BMAL2: variants seen among roughly 807,000 people sequenced by gnomAD.
BMAL2 encodes basic helix-loop-helix ARNT-like protein 2.
the BMAL2 span, among the ~76,000 whole-genome samples, chr12:27,354,802 C>T: frequency 1.3e-5 from 2 of 152,174 alleles, no homozygotes; most frequent in South Asian, 4.1e-4. Context: ...GGATATTCAA[C>T]CTGTACCAGT....
chr12:27,418,363 G>C, the BMAL2 span, among the ~76,000 whole-genome samples: 1 of 152,152 alleles, frequency 6.6e-6, no homozygotes, highest in African/African-American at 2.4e-5. Flanking sequence ...CACTTTGGGA[G>C]GCCAAGGCAG....
At chr12:27,391,233 G>A in the BMAL2 span, among the ~76,000 whole-genome samples, 8 of 152,084 alleles carry the variant, frequency 5.3e-5, no homozygotes, top group Middle Eastern at 6.8e-3. Context: ...TGTTGTTCCC[G>A]TGTTTATGTC....
chr12:27,348,898 T>C, the BMAL2 span, among the ~76,000 whole-genome samples: 6 of 152,088 alleles, frequency 3.9e-5, no homozygotes, highest in African/African-American at 1.4e-4. Context: ...ATGAGCTCAA[T>C]GATGGCATCC....
At chr12:27,350,076 G>T in the BMAL2 span, among the ~76,000 whole-genome samples, 2 of 152,164 alleles carry the variant, frequency 1.3e-5, no homozygotes, top group Non-Finnish European at 2.9e-5. Context: ...TCAGAAATTG[G>T]TATAGGTTGT....
At chr12:27,373,423 C>T in the BMAL2 span, among the ~76,000 whole-genome samples, 1 of 152,262 alleles carries the variant, frequency 6.6e-6, no homozygotes, top group South Asian at 2.1e-4. Context: ...GGATTTGGAG[C>T]TCAGGGTAGA....
chr12:27,393,294 A>G, the BMAL2 span, among the ~76,000 whole-genome samples: 1 of 152,172 alleles, frequency 6.6e-6, no homozygotes, highest in Non-Finnish European at 1.5e-5. Flanking sequence ...GAATAAATAC[A>G]TTTTAAATTA....
At chr12:27,413,515 A>G in the BMAL2 span, among the ~76,000 whole-genome samples, 1 of 152,208 alleles carries the variant, frequency 6.6e-6, no homozygotes, top group African/African-American at 2.4e-5. Flanking sequence ...TTTTTCCAAG[A>G]AAAAGAAAAA....
the BMAL2 span, among the ~76,000 whole-genome samples, chr12:27,381,341 G>A: frequency 5.2e-3 from 791 of 152,264 alleles, 3 homozygotes; most frequent in Middle Eastern, 0.017. Flanking sequence ...AATTTATAAT[G>A]AAAAGAAGTT....
At chr12:27,336,376 C>G in the BMAL2 span, among the ~76,000 whole-genome samples, 2 of 152,188 alleles carry the variant, frequency 1.3e-5, no homozygotes, top group Non-Finnish European at 2.9e-5. Context: ...GTGCCTCACC[C>G]CTTCCCAGTG....
chr12:27,369,284 T>C, the BMAL2 span, among the ~76,000 whole-genome samples: 1 of 144,320 alleles, frequency 6.9e-6, no homozygotes, highest in African/African-American at 2.6e-5. Context: ...CTAGCTCTTT[T>C]TTTTTCTTTT....
chr12:27,408,218 AG>A, the BMAL2 span, among the ~76,000 whole-genome samples: 1 of 151,364 alleles, frequency 6.6e-6, no homozygotes, highest in African/African-American at 2.5e-5. Context: ...ATAGAAAAAG[AG>A]GGAATCCTCC....
At chr12:27,338,022 C>T in the BMAL2 span, among the ~76,000 whole-genome samples, 1 of 152,148 alleles carries the variant, frequency 6.6e-6, no homozygotes. Flanking sequence ...TAGCTCCACC[C>T]TTAAGTTGCA....
chr12:27,344,269 A>G, the BMAL2 span, among the ~76,000 whole-genome samples: 2 of 152,102 alleles, frequency 1.3e-5, no homozygotes, highest in Non-Finnish European at 2.9e-5. Flanking sequence ...TTCCATTTCT[A>G]TGGAGTGCTG....
At chr12:27,419,379 C>T in the BMAL2 span, among the ~76,000 whole-genome samples, 14 of 152,094 alleles carry the variant, frequency 9.2e-5, no homozygotes, top group African/African-American at 2.9e-4. Flanking sequence ...CTTCCCATGG[C>T]GGAAGGCAGA....
At chr12:27,351,523 T>C in the BMAL2 span, among the ~76,000 whole-genome samples, 4 of 152,152 alleles carry the variant, frequency 2.6e-5, no homozygotes, top group South Asian at 8.3e-4. Context: ...CAGAGCCCAC[T>C]ACCCAACCAT....
At chr12:27,366,849 T>C in the BMAL2 span, among the ~76,000 whole-genome samples, 2 of 152,218 alleles carry the variant, frequency 1.3e-5, no homozygotes, top group African/African-American at 2.4e-5. Flanking sequence ...CATGACAGTG[T>C]ATTATACATC....
the BMAL2 span, chr12:27,425,171 C>T: frequency 1.3e-5 from 2 of 151,174 alleles, no homozygotes; most frequent in African/African-American, 2.4e-5. Flanking sequence ...CACTTGTGCT[C>T]GTCTGTATAT....
chr12:27,360,824 A>AAAAAAAAAAAAAAAAC, the BMAL2 span, among the ~76,000 whole-genome samples: 1 of 149,678 alleles, frequency 6.7e-6, no homozygotes, highest in Non-Finnish European at 1.5e-5. Context: ...AAAAAAAAAA[A>AAAAAAAAAAAAAAAAC]ACAGTACTAA....
the BMAL2 span, among the ~76,000 whole-genome samples, chr12:27,353,794 A>T: frequency 9.2e-5 from 14 of 152,358 alleles, no homozygotes; most frequent in African/African-American, 2.6e-4. Flanking sequence ...GAAGACATAC[A>T]TGCAGCCAAC....
Sources: gnomAD v4.1 joint callset for allele counts (sites outside exome capture counted in the v4.1 genomes callset) on GRCh38, gnomAD v4.1.1 for gene constraint, MANE v1.5 for transcripts, NCBI Gene and HGNC (gene_info 2026-07-23, HGNC 2026-07-21) for gene names.